SNAI1: variants seen among roughly 807,000 people sequenced by gnomAD.
The protein encoded by SNAI1 is snail family transcriptional repressor 1, also known as zinc finger protein SNAI1.
SNAI1 carries 15 observed loss-of-function variants against 24.7 expected under a neutral mutation model. The observed-to-expected ratio is 0.61, with a 90% CI of 0.41 to 0.93. The LOEUF (loss-of-function observed/expected upper bound fraction) is 0.93, where lower values mean the gene tolerates loss of function less well. SNAI1 is among the 40% of genes least tolerant of loss of function. SNAI1 has a pLI of 0.00. For synonymous variants in SNAI1, 163 were observed against 142.9 expected (o/e 1.14, Z -1.00); for missense variants, 283 against 336.7 (o/e 0.84, Z 1.25).
chr20:49,987,831 G>T (rs2078338787), intron 2 of SNAI1, 41 bp from the exon 3 acceptor site: 3 of 1,593,104 alleles, frequency 1.9e-6, no homozygotes, highest in Non-Finnish European at 2.6e-6. Context: ...GCCAGCCGTT[G>T]TCCCACGGCT....
intron 1 of SNAI1, 81 bp downstream of exon 1, chr20:49,983,222 C>G: frequency 9.5e-7 from 1 of 1,057,298 alleles, no homozygotes; most frequent in Non-Finnish European, 1.5e-6. Flanking sequence ...AGGGAGGCGG[C>G]CTGCCTGAGC....
At position 49,988,637 on chromosome 20, in the gene SNAI1, A is replaced by G. The variant is rs559924075; in HGVS notation, c.*581A>G. The stretch of plus-strand genomic sequence containing the variant: ...CACCTGTTTCCCGGGCAATTTAACA[A>G]TGTCTGAAAAGGGACTGTGAGTAAT... On this transcript the variant is annotated 3_prime_UTR_variant, in exon 3 of 3. Transcript: ENST00000244050. 3 of 152,752 alleles carry G rather than the reference A, an allele frequency of 2.0e-5. No individual in the cohort carries two copies. Among genetic ancestry groups the G allele is most frequent in the South Asian group, 2.1e-4 (1 of 4,816 alleles). The allele number at this position is 152,752 out of a possible 1,614,324, so 9.5% of individuals were successfully genotyped here.
At chr20:49,987,784 C>T in intron 2 of SNAI1, 88 bp from the exon 3 acceptor site, 2 of 1,249,738 alleles carry the variant, frequency 1.6e-6, no homozygotes, top group South Asian at 1.2e-5. Context: ...GGGATTCTTT[C>T]AGGGTTTGGG....
At chr20:49,987,654 C>A (rs1223696597) in intron 2 of SNAI1, among the ~76,000 whole-genome samples, 1 of 152,172 alleles carries the variant, frequency 6.6e-6, no homozygotes, top group African/African-American at 2.4e-5. Flanking sequence ...AAAATGGAGG[C>A]TCAGAGAAGC....
intron 2 of SNAI1, among the ~76,000 whole-genome samples, chr20:49,985,944 G>GC (rs1481934814): frequency 6.6e-6 from 1 of 152,168 alleles, no homozygotes; most frequent in African/African-American, 2.4e-5. Flanking sequence ...CACAGCCCCC[G>GC]CCCCCAGCCC....
intron 2 of SNAI1, among the ~76,000 whole-genome samples, chr20:49,986,552 G>C (rs1232876497): frequency 6.6e-6 from 1 of 152,144 alleles, no homozygotes. Flanking sequence ...TGGGCGTGAG[G>C]GGATTGGAGA....
chr20:49,988,208 A>G lies in SNAI1; in HGVS notation c.*152A>G. 1.5e-6 allele frequency: 1 copy of G among 655,900 alleles called. No homozygotes were observed. Among genetic ancestry groups the G allele is most frequent in the South Asian group, 2.1e-5 (1 of 47,456 alleles). 40.6% of individuals were successfully genotyped at this position (655,900 alleles called of 1,614,324 possible). On this transcript the variant is annotated 3_prime_UTR_variant, in exon 3 of 3. Transcript: ENST00000244050. ...ACATCAGCCCCACAGGACTTTGATG[A>G]AGACCATTTTCTGGTTCTGTGTCCT...
At chr20:49,986,266 C>T (rs1217738741) in intron 2 of SNAI1, among the ~76,000 whole-genome samples, 3 of 152,166 alleles carry the variant, frequency 2.0e-5, no homozygotes, top group Admixed American at 6.5e-5. Flanking sequence ...AGTGCTCAGG[C>T]ACCCCTCCCC....
rs551925395 is a variant in SNAI1, at chr20:49,983,023, T to C, written c.-37T>C. On this transcript the variant is annotated 5_prime_UTR_variant, in exon 1 of 3. Transcript: ENST00000244050. ...CTAGCGAGTGGTTCTTCTGCGCTACTGCTGCGCGAATCGGCGACCCCAGTG... is the reference window on the plus strand; with the variant it reads ...CTAGCGAGTGGTTCTTCTGCGCTACCGCTGCGCGAATCGGCGACCCCAGTG... 8.9e-5 allele frequency: 135 copies of C among 1,511,596 alleles called. 1 individual carries two copies. In the East Asian group the frequency reaches 3.2e-3, roughly 36 times the overall value. 93.6% of individuals were successfully genotyped at this position (1,511,596 alleles called of 1,614,324 possible). A position where few individuals can be genotyped will look rare whatever the true frequency, so the allele number is the denominator to read the frequency against.
rs2078339385 is a variant in SNAI1, at chr20:49,987,979, G to A, written c.718G>A (p.Ala240Thr). Residue 240 changes from alanine (A) to threonine (T), a missense_variant, in exon 3 of 3, where the codon GCG becomes ACG. Transcript: ENST00000244050. ...HSDVKKYQCQ[A>T]CARTFSRMSL... ...AGATGTCAAGAAGTACCAGTGCCAG[G>A]CGTGTGCTCGGACCTTCTCCCGAAT... is the stretch of plus-strand genomic sequence containing the variant. 27 of 1,613,910 alleles carry A rather than the reference G, an allele frequency of 1.7e-5. No homozygotes were observed. The highest frequency in any genetic ancestry group is 2.2e-5 in the Non-Finnish European group (26 of 1,179,984).
intron 2 of SNAI1, among the ~76,000 whole-genome samples, chr20:49,986,303 G>A (rs2078333719): frequency 6.6e-6 from 1 of 152,084 alleles, no homozygotes; most frequent in Non-Finnish European, 1.5e-5. Flanking sequence ...CCACCCTTTG[G>A]AGTGGCGAGT....
At chr20:49,985,944 G>A (rs947126993) in intron 2 of SNAI1, among the ~76,000 whole-genome samples, 3 of 152,168 alleles carry the variant, frequency 2.0e-5, no homozygotes, top group South Asian at 2.1e-4. Context: ...CACAGCCCCC[G>A]CCCCCAGCCC....
chr20:49,986,547 G>C (rs1342212874), intron 2 of SNAI1, among the ~76,000 whole-genome samples: 4 of 152,136 alleles, frequency 2.6e-5, no homozygotes, highest in Admixed American at 2.6e-4. Context: ...CAGACTGGGC[G>C]TGAGGGGATT....
intron 2 of SNAI1, 102 bp from the exon 3 acceptor site, chr20:49,987,770 T>A: frequency 8.9e-7 from 1 of 1,122,278 alleles, no homozygotes; most frequent in African/African-American, 1.5e-5. Context: ...TTTCCTGGGA[T>A]CATGGGATTC....
rs1220520819 is a variant in SNAI1 at position 49,984,218 on chromosome 20, C to T, written c.477C>T (p.Cys159=). 5.6e-6 allele frequency: 9 copies of T among 1,614,234 alleles called. No homozygotes were observed. Among genetic ancestry groups the T allele is most frequent in the Non-Finnish European group, 6.8e-6 (8 of 1,180,038 alleles). The change falls in exon 2 of 3, where the codon TGC becomes TGT. Residue 159 remains cysteine, a synonymous_variant. Coordinates refer to ENST00000244050, the MANE Select transcript of SNAI1 (RefSeq NM_005985.4). ...GAAAGGCCTTCAACTGCAAATACTG[C>T]AACAAGGAATACCTCAGCCTGGGTG... ...QARKAFNCKY[C]NKEYLSLGAL...
rs2078321182 is a variant in SNAI1 at position 49,983,002 on chromosome 20, CG to C, written c.-57del. ...TTCATTGCGCCGCGGCACGGCCTAG[CG>C]AGTGGTTCTTCTGCGCTACTGCTGC... On this transcript the variant is annotated 5_prime_UTR_variant, in exon 1 of 3. Transcript: ENST00000244050. 7.9e-7 allele frequency: 1 copy of C among 1,273,092 alleles called. No homozygotes were observed. The highest frequency in any genetic ancestry group is 1.1e-6 in the Non-Finnish European group (1 of 891,688). The allele number at this position is 1,273,092 out of a possible 1,614,324, so 78.9% of individuals were successfully genotyped here. A position where few individuals can be genotyped will look rare whatever the true frequency, so the allele number is the denominator to read the frequency against.
In SNAI1 at chr20:49,983,373, G is replaced by A. The variant is rs371675614; in HGVS notation, c.82+232G>A. On this transcript the variant is annotated intron_variant, in intron 1 of 2. Transcript: ENST00000244050. ...GGGGTCTTCAGCTTGGGGGGCCTTT[G>A]TAGCCGGCGAGAGGCGGAGGAGCTC... is the stretch of plus-strand genomic sequence containing the variant. Among the ~76,000 whole-genome samples the A allele has an allele frequency of 2.3e-4, 34 of 149,570 alleles. No homozygotes were observed. In the East Asian group the frequency reaches 3.8e-3, roughly 17 times the overall value.
chr20:49,984,064 C>T lies in SNAI1; in HGVS notation c.323C>T (p.Pro108Leu), dbSNP rs1263892553. 1.2e-6 allele frequency: 2 copies of T among 1,614,120 alleles called. No individual in the cohort carries two copies. Among genetic ancestry groups the T allele is most frequent in the South Asian group, 1.1e-5 (1 of 91,078 alleles). ...KGSQPPSPPSPAPSSFSSTSV... is the reference protein window; with the variant it reads ...KGSQPPSPPSLAPSSFSSTSV... ...TCCCAGCCCCCCAGCCCACCCTCAC[C>T]GGCTCCTTCGTCCTTCTCCTCTACT... is the stretch of plus-strand genomic sequence containing the variant. Residue 108 changes from proline (P) to leucine (L), a missense_variant, in exon 2 of 3, where the codon CCG (proline) becomes CTG (leucine). Coordinates refer to ENST00000244050, the MANE Select transcript of SNAI1 (RefSeq NM_005985.4).
intron 2 of SNAI1, among the ~76,000 whole-genome samples, chr20:49,987,508 T>C (rs2078337615): frequency 1.3e-5 from 2 of 152,078 alleles, no homozygotes; most frequent in African/African-American, 2.4e-5. Context: ...CAAGTGACAG[T>C]AGGATGAATC....
Sources: gnomAD v4.1 joint callset for allele counts (sites outside exome capture counted in the v4.1 genomes callset) on GRCh38, gnomAD v4.1.1 for gene constraint, MANE v1.5 for transcripts, NCBI Gene and HGNC (gene_info 2026-07-23, HGNC 2026-07-21) for gene names.